The following DCC variants were observed in gnomAD, a reference collection of about 807,000 sequenced individuals.
DCC encodes DCC netrin 1 receptor.
A neutral mutation model predicts 172.5 loss-of-function variants in DCC; 58 were observed. That is an observed-to-expected ratio of 0.34 (90% CI 0.27 to 0.42). DCC has a LOEUF of 0.42. Among genes scored for constraint, DCC ranks in the 10% least tolerant of loss-of-function variants. DCC has a pLI of 1.00. For synonymous variants in DCC, 709 were observed against 644.5 expected (o/e 1.10, Z -1.52); for missense variants, 1,740 against 1,791.0 (o/e 0.97, Z 0.51).
At chr18:52,951,735 GTTAA>G (rs760752317) in intron 5 of DCC, among the ~76,000 whole-genome samples, 25 of 152,210 alleles carry the variant, frequency 1.6e-4, no homozygotes, top group Non-Finnish European at 3.1e-4. Flanking sequence ...TTCTGAACAT[GTTAA>G]TTAATGTTTT....
At chr18:52,880,280 C>A (rs1325174245) in intron 2 of DCC, among the ~76,000 whole-genome samples, 1 of 151,988 alleles carries the variant, frequency 6.6e-6, no homozygotes, top group East Asian at 1.9e-4. Flanking sequence ...GGAATTATAG[C>A]CATTCACTAC....
At chr18:53,120,774 A>AT in intron 7 of DCC, among the ~76,000 whole-genome samples, 1 of 151,808 alleles carries the variant, frequency 6.6e-6, no homozygotes, top group South Asian at 2.1e-4. Flanking sequence ...ATCAATACTA[A>AT]TTTTTCCTTC....
In DCC at chr18:53,466,955, A is replaced by C. The variant is rs186391472; in HGVS notation, c.3620-939A>C. 1.6e-4 allele frequency among the ~76,000 whole-genome samples: 25 copies of C among 152,284 alleles called. No individual in the cohort carries two copies. The East Asian group carries it at 4.4e-3, about 27-fold the overall frequency. ...CTCCCAGTATAATTTTTTATTTTAA[A>C]TTGTAGTAATTATGCTGTTAATTTT... On this transcript the variant is annotated intron_variant, in intron 24 of 28. Transcript: ENST00000442544.
At chr18:53,171,593 A>G (rs560242826) in intron 8 of DCC, among the ~76,000 whole-genome samples, 7 of 152,214 alleles carry the variant, frequency 4.6e-5, no homozygotes, top group Non-Finnish European at 8.8e-5. Flanking sequence ...CTTCCCCATT[A>G]TGAAATCCAA....
At chr18:53,309,934 AT>A (rs2057245441) in intron 13 of DCC, among the ~76,000 whole-genome samples, 1 of 141,126 alleles carries the variant, frequency 7.1e-6, no homozygotes, top group Non-Finnish European at 1.5e-5. Context: ...ATATATATAT[AT>A]ATATATATAC....
At chr18:52,677,870 A>G (rs2035673401) in intron 1 of DCC, among the ~76,000 whole-genome samples, 1 of 152,156 alleles carries the variant, frequency 6.6e-6, no homozygotes, top group African/African-American at 2.4e-5. Flanking sequence ...TTTCTTCTAC[A>G]ACTTGTAGCC....
At chr18:53,035,308 C>T (rs954189061) in intron 5 of DCC, among the ~76,000 whole-genome samples, 4 of 151,994 alleles carry the variant, frequency 2.6e-5, no homozygotes, top group African/African-American at 4.8e-5. Flanking sequence ...CACTAAAGTA[C>T]AATATGTGCT....
At chr18:52,417,856 C>G (rs1426276446) in intron 1 of DCC, among the ~76,000 whole-genome samples, 1 of 152,186 alleles carries the variant, frequency 6.6e-6, no homozygotes, top group African/African-American at 2.4e-5. Flanking sequence ...TCGTCTGAAG[C>G]CTTCTTCTCT....
intron 2 of DCC, among the ~76,000 whole-genome samples, chr18:52,765,739 T>C (rs2037239203): frequency 6.6e-6 from 1 of 152,176 alleles, no homozygotes; most frequent in African/African-American, 2.4e-5. Context: ...CCACAGAACC[T>C]TGCTAGTTGT....
intron 12 of DCC, among the ~76,000 whole-genome samples, chr18:53,299,677 C>G (rs1305135934): frequency 6.6e-6 from 1 of 152,282 alleles, no homozygotes. Context: ...TTTACCACAT[C>G]AAGAATGTAG....
chr18:53,173,407 T>C (rs1177232395), intron 8 of DCC, among the ~76,000 whole-genome samples: 1 of 152,110 alleles, frequency 6.6e-6, no homozygotes, highest in Non-Finnish European at 1.5e-5. Flanking sequence ...ATTTTAACTA[T>C]TTTTGAGTGT....
In DCC at chr18:53,091,811, ATATC is replaced by A. The variant is rs750251115; in HGVS notation, c.1261+25682_1261+25685del. On this transcript the variant is annotated intron_variant, in intron 7 of 28. Coordinates refer to ENST00000442544, the MANE Select transcript of DCC (RefSeq NM_005215.4). ...TCAGTCCATTGCATACACTGTACAT[ATATC>A]TATCTATCTATCTATCTATCTATCT... is the stretch of plus-strand genomic sequence containing the variant. Among the ~76,000 whole-genome samples, 1,412 of 141,266 alleles carry A rather than the reference ATATC, an allele frequency of 1.0e-2. 12 individuals are homozygous for A. The highest frequency in any genetic ancestry group is 0.013 in the Non-Finnish European group (894 of 66,244). 92.7% of individuals were successfully genotyped at this position (141,266 alleles called of 152,430 possible). A position where few individuals can be genotyped will look rare whatever the true frequency, so the allele number is the denominator to read the frequency against.
At chr18:52,647,859 G>A (rs937522641) in intron 1 of DCC, among the ~76,000 whole-genome samples, 2 of 152,210 alleles carry the variant, frequency 1.3e-5, no homozygotes, top group African/African-American at 4.8e-5. Flanking sequence ...CTGGGGAGTA[G>A]AGTGTGTGCT....
chr18:52,790,661 G>C (rs978342483), intron 2 of DCC, among the ~76,000 whole-genome samples: 1 of 152,200 alleles, frequency 6.6e-6, no homozygotes, highest in African/African-American at 2.4e-5. Context: ...AAGAGGTACT[G>C]CTTCCTTTCC....
intron 1 of DCC, among the ~76,000 whole-genome samples, chr18:52,590,775 T>G (rs533301862): frequency 5.3e-5 from 8 of 152,362 alleles, no homozygotes; most frequent in African/African-American, 1.9e-4. Flanking sequence ...GATAAATACT[T>G]GTGCTTAATT....
At chr18:52,708,515 C>A (rs545588250) in intron 1 of DCC, among the ~76,000 whole-genome samples, 114 of 152,036 alleles carry the variant, frequency 7.5e-4, no homozygotes, top group African/African-American at 2.5e-3. Context: ...TAGATAGGAC[C>A]ACATCCAATA....
intron 1 of DCC, among the ~76,000 whole-genome samples, chr18:52,385,988 G>C (rs1443068678): frequency 2.6e-5 from 4 of 152,050 alleles, no homozygotes; most frequent in Non-Finnish European, 5.9e-5. Context: ...GCACAGATGT[G>C]TATGCATATA....
rs111732014 is a variant in DCC, at chr18:53,335,229, A to G, written c.2165-4484A>G. On this transcript the variant is annotated intron_variant, in intron 14 of 28. Transcript: ENST00000442544. ...TGATGTTTGCTTGACTGGCCCTTTC[A>G]GGTCATCCACCTTAGACTCAAATGG... Among the ~76,000 whole-genome samples, 889 of 152,222 alleles carry G rather than the reference A, an allele frequency of 5.8e-3. 9 individuals are homozygous for G. The highest frequency in any genetic ancestry group is 0.02 in the African/African-American group (842 of 41,536).
At chr18:53,299,404 G>T (rs180755004) in intron 12 of DCC, among the ~76,000 whole-genome samples, 1 of 152,150 alleles carries the variant, frequency 6.6e-6, no homozygotes, top group Non-Finnish European at 1.5e-5. Context: ...GACTACATGA[G>T]CTTTCCCTGA....
Sources: allele counts gnomAD v4.1 joint callset (sites outside exome capture counted in the v4.1 genomes callset), GRCh38; gene constraint gnomAD v4.1.1; transcripts MANE v1.5; gene names NCBI Gene and HGNC (gene_info 2026-07-23, HGNC 2026-07-21).